The following CUX1 variants were observed in gnomAD, a reference collection of about 807,000 sequenced individuals.
CUX1 encodes the protein cut like homeobox 1.
CUX1 carries 31 observed loss-of-function variants against 158.8 expected under a neutral mutation model. The observed-to-expected ratio is 0.20, with a 90% CI of 0.15 to 0.26. CUX1 has a LOEUF of 0.26. Among genes scored for constraint, CUX1 ranks in the 10% least tolerant of loss-of-function variants. The pLI, the probability that CUX1 is intolerant of heterozygous loss-of-function variation, is 1.00. For missense variants in CUX1, 1,589 were observed against 2,014.6 expected (o/e 0.79, Z 4.04); for synonymous variants, 879 against 862.1 (o/e 1.02, Z -0.34).
chr7:101,970,361 C>T (rs922868559), intron 2 of CUX1, among the ~76,000 whole-genome samples: 2 of 151,968 alleles, frequency 1.3e-5, no homozygotes, highest in South Asian at 2.1e-4. Flanking sequence ...TAGCTTGGCC[C>T]GGGGGTGCGT....
intron 1 of CUX1, among the ~76,000 whole-genome samples, chr7:101,826,131 T>G (rs986971870): frequency 5.9e-5 from 9 of 152,122 alleles, no homozygotes; most frequent in African/African-American, 2.2e-4. Context: ...TCTTGCTTAT[T>G]TGGGGGAGCT....
At chr7:102,163,263 A>G (rs1360136506) in intron 9 of CUX1, among the ~76,000 whole-genome samples, 5 of 151,680 alleles carry the variant, frequency 3.3e-5, no homozygotes, top group African/African-American at 1.2e-4. Flanking sequence ...AGGCAGGAGC[A>G]TCACTTGAGC....
At chr7:101,918,356 A>G (rs1396561958) in intron 2 of CUX1, among the ~76,000 whole-genome samples, 1 of 152,222 alleles carries the variant, frequency 6.6e-6, no homozygotes, top group Non-Finnish European at 1.5e-5. Context: ...ATCCCAATAA[A>G]TGGAAGAGGC....
At chr7:102,002,043 C>T (rs551184755) in intron 2 of CUX1, among the ~76,000 whole-genome samples, 1 of 152,202 alleles carries the variant, frequency 6.6e-6, no homozygotes, top group South Asian at 2.1e-4. Flanking sequence ...CCTGTAATCC[C>T]AGCACTTTGA....
chr7:102,042,846 G>T lies in CUX1; in HGVS notation c.189+14701G>T, dbSNP rs1025944912. ...CCTCTGTCACCCAGGCTGGAGTGCA[G>T]TGGCATAATCAGGGCTCACTGCAGC... is the stretch of plus-strand genomic sequence containing the variant. On this transcript the variant is annotated intron_variant, in intron 3 of 23. Transcript: ENST00000292535. 2.6e-5 allele frequency among the ~76,000 whole-genome samples: 4 copies of T among 152,242 alleles called. No homozygotes were observed. In the South Asian group the frequency reaches 6.2e-4, roughly 24 times the overall value.
intron 3 of CUX1, among the ~76,000 whole-genome samples, chr7:102,043,083 A>C (rs1177603125): frequency 6.6e-6 from 1 of 152,038 alleles, no homozygotes; most frequent in African/African-American, 2.4e-5. Context: ...CCTGATTAGC[A>C]GGGACTGTGG....
At chr7:102,158,759 A>C in intron 9 of CUX1, 151 bp downstream of exon 9, 1 of 713,710 alleles carries the variant, frequency 1.4e-6, no homozygotes, top group Non-Finnish European at 2.4e-6. Context: ...TGTTGTCATG[A>C]GAAGTAGGAA....
Position 102,255,679 on chromosome 7 carries a change from C to G in CUX1, c.*6637C>G. ...ATATCCCAATGTCACGGCTACATCC[C>G]TATGGAAATTAATCAGAAGCACAGT... On this transcript the variant is annotated 3_prime_UTR_variant, in exon 24 of 24. Transcript: ENST00000292535. 1.0e-6 allele frequency: 1 copy of G among 985,374 alleles called. No individual in the cohort carries two copies. Among genetic ancestry groups the G allele is most frequent in the Non-Finnish European group, 1.2e-6 (1 of 829,924 alleles). 61.0% of individuals were successfully genotyped at this position (985,374 alleles called of 1,614,324 possible). A position where few individuals can be genotyped will look rare whatever the true frequency, so the allele number is the denominator to read the frequency against.
At chr7:101,984,432 C>T (rs1327929793) in intron 2 of CUX1, among the ~76,000 whole-genome samples, 1 of 147,290 alleles carries the variant, frequency 6.8e-6, no homozygotes, top group East Asian at 2.0e-4. Context: ...ACACAAAGGA[C>T]GGTGTAAATA....
At chr7:101,842,388 TTTC>T (rs763348409) in intron 1 of CUX1, among the ~76,000 whole-genome samples, 119 of 152,370 alleles carry the variant, frequency 7.8e-4, no homozygotes, top group Non-Finnish European at 1.3e-3. Context: ...CATAGTTTTT[TTTC>T]TTCTTTCTTT....
intron 3 of CUX1, among the ~76,000 whole-genome samples, chr7:102,047,890 G>A (rs777485764): frequency 1.3e-5 from 2 of 152,080 alleles, no homozygotes; most frequent in Non-Finnish European, 2.9e-5. Context: ...GGAAGCCCAC[G>A]TTCCTGTGTG....
At chr7:102,052,712 C>T (rs1823657879) in intron 3 of CUX1, among the ~76,000 whole-genome samples, 1 of 152,150 alleles carries the variant, frequency 6.6e-6, no homozygotes, top group Admixed American at 6.6e-5. Context: ...TGAGGAATGG[C>T]CAAACTGTTT....
chr7:101,892,663 C>T (rs1212004804), intron 1 of CUX1, among the ~76,000 whole-genome samples: 1 of 152,206 alleles, frequency 6.6e-6, no homozygotes, highest in East Asian at 1.9e-4. Context: ...TAGCCATGCT[C>T]GAGTCAGTGA....
intron 8 of CUX1, among the ~76,000 whole-genome samples, chr7:102,134,101 A>G (rs1252619286): frequency 3.3e-5 from 5 of 152,304 alleles, no homozygotes; most frequent in African/African-American, 1.2e-4. Context: ...TTGAGAGGCC[A>G]AGGTGGGCAG....
intron 1 of CUX1, among the ~76,000 whole-genome samples, chr7:101,908,347 T>C (rs188029094): frequency 5.9e-5 from 9 of 152,340 alleles, no homozygotes. Context: ...GGTTTCGCCA[T>C]ATTGGCCAGG....
chr7:101,893,367 T>C (rs1421097351), intron 1 of CUX1, among the ~76,000 whole-genome samples: 1 of 152,058 alleles, frequency 6.6e-6, no homozygotes, highest in Admixed American at 6.6e-5. Context: ...TTCGACAGGA[T>C]TCCTTTTAAA....
Position 102,283,201 on chromosome 7 carries a change from C to T in CUX1, c.*111C>T. 3.3e-6 allele frequency: 3 copies of T among 901,902 alleles called. No homozygotes were observed. In the South Asian group the frequency reaches 4.2e-5, roughly 13 times the overall value. 55.9% of individuals were successfully genotyped at this position (901,902 alleles called of 1,614,324 possible). A position where few individuals can be genotyped will look rare whatever the true frequency, so the allele number is the denominator to read the frequency against. On this transcript the variant is annotated 3_prime_UTR_variant, in exon 23 of 23. Coordinates refer to the CUX1 transcript ENST00000292538. ...AATCCCCCATGGAAACTGCCCTTAT[C>T]CGCTGTCCAGCAGCTGCCAGAGGCC...
chr7:102,238,701 A>G (rs1236789558), intron 22 of CUX1, among the ~76,000 whole-genome samples: 1 of 152,002 alleles, frequency 6.6e-6, no homozygotes, highest in African/African-American at 2.4e-5. Context: ...GGTCTCTTGC[A>G]CTTACTTACC....
At chr7:102,102,954 T>C (rs169307) in intron 5 of CUX1, among the ~76,000 whole-genome samples, 1 of 151,634 alleles carries the variant, frequency 6.6e-6, no homozygotes, top group Non-Finnish European at 1.5e-5. Context: ...GGCGCAGGTG[T>C]AGTTGTCCTG....
Sources: allele counts gnomAD v4.1 joint callset (sites outside exome capture counted in the v4.1 genomes callset), GRCh38; gene constraint gnomAD v4.1.1; transcripts MANE v1.5; gene names NCBI Gene and HGNC (gene_info 2026-07-23, HGNC 2026-07-21).